ANKRD11: variants seen among roughly 807,000 people sequenced by gnomAD.
ANKRD11 encodes ankyrin repeat domain-containing protein 11.
In ANKRD11, 17 loss-of-function variants were observed where a neutral mutation model predicts 195.7. That is an observed-to-expected ratio of 0.09 (90% CI 0.06 to 0.13). ANKRD11 has a LOEUF of 0.13. Among genes scored for constraint, ANKRD11 ranks in the 10% least tolerant of loss-of-function variants. The pLI, the probability that ANKRD11 is intolerant of heterozygous loss-of-function variation, is 1.00. For synonymous variants in ANKRD11, 1,953 were observed against 1,528.1 expected (o/e 1.28, Z -6.49); for missense variants, 3,735 against 3,566.1 (o/e 1.05, Z -1.21).
rs57747159 is a variant in ANKRD11 at position 89,441,767 on chromosome 16, C to CAAAAAAAAAAAA, written c.-144-23411_-144-23400dup. On this transcript the variant is annotated intron_variant, in intron 1 of 12. Coordinates refer to ENST00000301030, the MANE Select transcript of ANKRD11 (RefSeq NM_013275.6). Reference sequence around the variant, plus strand: ...GGGCAACAGAGCGAGACTCCGCCTACAAAAAAAAAAAAAAAAAAAAAAAAA... The same window carrying CAAAAAAAAAAAA: ...GGGCAACAGAGCGAGACTCCGCCTACAAAAAAAAAAAAAAAAAAAAAAAAAAAAAAAAAAAAA... Among the ~76,000 whole-genome samples the CAAAAAAAAAAAA allele has an allele frequency of 3.6e-3, 187 of 52,314 alleles. 9 individuals carry two copies. The highest frequency in any genetic ancestry group is 4.4e-3 in the Non-Finnish European group (137 of 31,040). The allele number at this position is 52,314 out of a possible 152,430, so 34.3% of individuals were successfully genotyped here. A position where few individuals can be genotyped will look rare whatever the true frequency, so the allele number is the denominator to read the frequency against.
chr16:89,401,562 AT>A (rs995524528), intron 2 of ANKRD11, among the ~76,000 whole-genome samples: 2 of 152,118 alleles, frequency 1.3e-5, no homozygotes, highest in African/African-American at 4.8e-5. Flanking sequence ...ATTACAGGCG[AT>A]TTTTACTTTC....
chr16:89,335,634 G>A (rs1038221437), intron 2 of ANKRD11, among the ~76,000 whole-genome samples: 5 of 152,152 alleles, frequency 3.3e-5, no homozygotes, highest in South Asian at 2.1e-4. Flanking sequence ...ACACACACAA[G>A]CTGAGGTAAG....
chr16:89,269,296 C>T (rs1348159103), intron 12 of ANKRD11, among the ~76,000 whole-genome samples: 3 of 152,110 alleles, frequency 2.0e-5, no homozygotes, highest in African/African-American at 7.2e-5. Flanking sequence ...GCTGGGACTA[C>T]AAGTGCTACC....
At chr16:89,406,752 C>G in intron 2 of ANKRD11, among the ~76,000 whole-genome samples, 1 of 152,184 alleles carries the variant, frequency 6.6e-6, no homozygotes, top group East Asian at 1.9e-4. Context: ...TAAGCGATCC[C>G]ACCAAGCATG....
At chr16:89,455,902 G>A (rs74840803) in intron 1 of ANKRD11, among the ~76,000 whole-genome samples, 3,649 of 152,196 alleles carry the variant, frequency 0.024, 149 homozygotes, top group African/African-American at 0.084. Context: ...GTGTTCAAAT[G>A]GAAACCTGTG....
At chr16:89,288,040 G>C (rs2034773666) in intron 7 of ANKRD11, 1 of 546,392 alleles carries the variant, frequency 1.8e-6, no homozygotes, top group Non-Finnish European at 3.2e-6. Context: ...CCCCCACAGA[G>C]GCTGAGACCT....
chr16:89,449,411 G>C (rs1427316383), intron 1 of ANKRD11, among the ~76,000 whole-genome samples: 2 of 151,898 alleles, frequency 1.3e-5, no homozygotes, highest in Non-Finnish European at 2.9e-5. Flanking sequence ...GCTATCATGG[G>C]GCAAATTTAA....
Position 89,281,037 on chromosome 16 carries a change from C to G in ANKRD11, c.5505G>C (p.Leu1835=). ...CAAACTTCTCCGCGGGAACCGGGGG[C>G]AGGGGCGCCCTGTCTTCCATCGAGG... ...MPPSMEDRAP[L]PPVPAEKFAC... The change falls in exon 9 of 13, where the codon CTG becomes CTC. Residue 1835 remains leucine (L), a synonymous_variant. Coordinates refer to ENST00000301030, the MANE Select transcript of ANKRD11 (RefSeq NM_013275.6). This position sits in a 1 kb window ranked among gnomAD's most constrained non-coding sequence, Gnocchi z 5.5. 6.3e-7 allele frequency: 1 copy of G among 1,599,798 alleles called. No homozygotes were observed. Among genetic ancestry groups the G allele is most frequent in the South Asian group, 1.1e-5 (1 of 89,720 alleles).
At chr16:89,470,741 G>C (rs1254997098) in intron 1 of ANKRD11, among the ~76,000 whole-genome samples, 1 of 126,566 alleles carries the variant, frequency 7.9e-6, no homozygotes, top group African/African-American at 2.7e-5. Context: ...TGTAATCCCA[G>C]CACTTTGGTA....
intron 1 of ANKRD11, among the ~76,000 whole-genome samples, chr16:89,419,902 G>A (rs989690732): frequency 1.1e-4 from 16 of 152,208 alleles, no homozygotes; most frequent in African/African-American, 3.1e-4. Context: ...TGATGGGTGC[G>A]CTGGCTCACG....
Position 89,321,757 on chromosome 16 carries a change from T to G in ANKRD11, c.-59-4679A>C, listed in dbSNP as rs138456648. Among the ~76,000 whole-genome samples the G allele has an allele frequency of 4.7e-3, 717 of 152,144 alleles. 6 individuals are homozygous for G. The highest frequency in any genetic ancestry group is 0.017 in the African/African-American group (693 of 41,510). On this transcript the variant is annotated intron_variant, in intron 2 of 12. Transcript: ENST00000301030. ...ATTCACCTTCAATAAAGGGATGGAA[T>G]GTAAGCAGAGCTGACCATGAACAAC...
At chr16:89,394,646 A>T (rs948487583) in intron 2 of ANKRD11, among the ~76,000 whole-genome samples, 5 of 151,544 alleles carry the variant, frequency 3.3e-5, no homozygotes, top group African/African-American at 1.2e-4. Context: ...AAAAAAACAA[A>T]CAACCTTTTG....
At chr16:89,419,459 A>G (rs1412792361) in intron 1 of ANKRD11, among the ~76,000 whole-genome samples, 1 of 152,084 alleles carries the variant, frequency 6.6e-6, no homozygotes, top group Non-Finnish European at 1.5e-5. Context: ...CTTAAAAAAA[A>G]AAAAAAAAGG....
chr16:89,390,498 C>T (rs1259039417), intron 2 of ANKRD11, among the ~76,000 whole-genome samples: 1 of 152,186 alleles, frequency 6.6e-6, no homozygotes, highest in Non-Finnish European at 1.5e-5. Context: ...GGAATAAAGC[C>T]TGAACATTTC....
rs755399888 is a variant in ANKRD11 at position 89,282,115 on chromosome 16, T to G, written c.4427A>C (p.His1476Pro). ...CAGCCCATCCGCATGCCTGTCCCGG[T>G]GCCTCTCCTTCTCGTCTCTCCATTT... The part of the protein sequence containing the change: ...REKWRDEKER[H>P]RDRHADGLLR... Residue 1476 changes from histidine (H) to proline (P), a missense_variant, in exon 9 of 13, where the codon CAC becomes CCC. Transcript: ENST00000301030. The G allele has an allele frequency of 2.5e-6, 4 of 1,613,992 alleles. No homozygotes were observed. In the African/African-American group the frequency reaches 4.0e-5, roughly 16 times the overall value.
intron 2 of ANKRD11, among the ~76,000 whole-genome samples, chr16:89,336,435 G>T (rs2151980302): frequency 1.3e-5 from 2 of 152,352 alleles, no homozygotes; most frequent in South Asian, 4.1e-4. Context: ...GGGCTTCTGT[G>T]GTGCTAGGGA....
chr16:89,434,150 C>G (rs1475541376), intron 1 of ANKRD11, among the ~76,000 whole-genome samples: 1 of 152,180 alleles, frequency 6.6e-6, no homozygotes, highest in African/African-American at 2.4e-5. Flanking sequence ...CATACGGCAG[C>G]AGCACCCCAG....
intron 1 of ANKRD11, among the ~76,000 whole-genome samples, chr16:89,454,817 T>C (rs1373089138): frequency 3.0e-4 from 20 of 65,816 alleles, no homozygotes; most frequent in African/African-American, 1.2e-3. Context: ...CCCTGGGTGC[T>C]TCCAGGGTTC....
At chr16:89,392,686 G>A (rs1478769492) in intron 2 of ANKRD11, 2 of 149,574 alleles carry the variant, frequency 1.3e-5, no homozygotes, top group Non-Finnish European at 3.0e-5. Context: ...CAGCCTACAA[G>A]AGCAGACCCA....
Sources: allele counts gnomAD v4.1 joint callset (sites outside exome capture counted in the v4.1 genomes callset), GRCh38; gene constraint gnomAD v4.1.1; non-coding constraint Gnocchi (gnomAD v3.1); transcripts MANE v1.5; gene names NCBI Gene and HGNC (gene_info 2026-07-23, HGNC 2026-07-21).